The following FMN2 variants were observed in gnomAD, a reference collection of about 807,000 sequenced individuals.
The protein encoded by FMN2 is formin 2.
A neutral mutation model predicts 142.3 loss-of-function variants in FMN2; 51 were observed. The ratio of observed to expected loss-of-function variants is 0.36; its 90% CI spans 0.29 to 0.45. FMN2 has a LOEUF of 0.45. Among genes scored for constraint, FMN2 ranks in the 20% least tolerant of loss-of-function variants. FMN2 has a pLI of 1.00. For missense variants in FMN2, 1,936 were observed against 2,122.8 expected, an observed-to-expected ratio of 0.91 and a Z score of 1.73; for synonymous variants, 882 against 869.8, an observed-to-expected ratio of 1.01 and a Z score of -0.25.
intron 6 of FMN2, among the ~76,000 whole-genome samples, chr1:240,242,585 A>G (rs1248110509): frequency 6.6e-6 from 1 of 152,170 alleles, no homozygotes; most frequent in Non-Finnish European, 1.5e-5. Context: ...ACCAGGAGAC[A>G]CAGCTCTCCA....
chr1:240,458,722 A>G (rs1275695620), intron 16 of FMN2: 2 of 152,240 alleles, frequency 1.3e-5, no homozygotes, highest in African/African-American at 4.8e-5. Flanking sequence ...TTCTCTGATA[A>G]TAAAAGATGA....
intron 3 of FMN2, among the ~76,000 whole-genome samples, chr1:240,180,566 CTT>C (rs58433196): frequency 9.5e-5 from 12 of 126,164 alleles, no homozygotes; most frequent in Admixed American, 1.7e-4. Flanking sequence ...CACATGACCC[CTT>C]TTTTTTTTTT....
chr1:240,170,044 T>G, intron 2 of FMN2: 1 of 574,592 alleles, frequency 1.7e-6, no homozygotes, highest in Non-Finnish European at 3.1e-6. Flanking sequence ...CAGATGGACA[T>G]TCTGTCTCTA....
intron 7 of FMN2, among the ~76,000 whole-genome samples, chr1:240,280,272 A>AATTGTGATTATAATC (rs1669352898): frequency 6.6e-6 from 1 of 152,148 alleles, no homozygotes; most frequent in Admixed American, 6.6e-5. Context: ...TTTCCCTTAA[A>AATTGTGATTATAATC]ATTGTGATTA....
intron 2 of FMN2, among the ~76,000 whole-genome samples, chr1:240,128,572 C>T (rs961043801): frequency 3.3e-5 from 5 of 152,140 alleles, no homozygotes; most frequent in African/African-American, 1.2e-4. Context: ...GCTGATTTTG[C>T]TAAACATGTG....
rs1666394257 is a variant in FMN2, at chr1:240,207,247, C to G, written c.2435C>G (p.Pro812Arg). The change falls in exon 5 of 18, where the codon CCA (proline) becomes CGA (arginine). Residue 812 changes from proline to arginine, a missense_variant. Coordinates refer to ENST00000319653, the MANE Select transcript of FMN2 (RefSeq NM_020066.5). Reference sequence around the variant, plus strand: ...ACACAGAGCATCTCACAGCCTCCACCACCTCCATCCCTTCTGTGGTCTGCT... The same window carrying G: ...ACACAGAGCATCTCACAGCCTCCACGACCTCCATCCCTTCTGTGGTCTGCT... ...QPTQSISQPP[P>R]PPSLLWSAGQ... is the part of the protein sequence containing the mutation. 6.2e-7 allele frequency: 1 copy of G among 1,614,014 alleles called. No individual in the cohort carries two copies. Among genetic ancestry groups the G allele is most frequent in the East Asian group, 2.2e-5 (1 of 44,876 alleles).
chr1:240,310,542 T>G (rs530260526), intron 8 of FMN2, among the ~76,000 whole-genome samples: 7 of 152,316 alleles, frequency 4.6e-5, no homozygotes, highest in African/African-American at 1.4e-4. Context: ...AGAAACCACA[T>G]AGTTACTAAA....
At chr1:240,316,618 C>T (rs901956748) in intron 8 of FMN2, among the ~76,000 whole-genome samples, 24 of 152,136 alleles carry the variant, frequency 1.6e-4, no homozygotes, top group Admixed American at 1.5e-3. Flanking sequence ...AGACCATACA[C>T]AGGCTTCTTT....
chr1:240,202,144 G>A (rs1348204915), intron 4 of FMN2, among the ~76,000 whole-genome samples: 1 of 152,188 alleles, frequency 6.6e-6, no homozygotes, highest in Non-Finnish European at 1.5e-5. Context: ...GTCTGCAAAT[G>A]TAGTTTTTCT....
At chr1:240,112,389 C>T (rs901898593) in intron 1 of FMN2, among the ~76,000 whole-genome samples, 1 of 151,968 alleles carries the variant, frequency 6.6e-6, no homozygotes, top group Non-Finnish European at 1.5e-5. Context: ...CTCGGCCTCC[C>T]AAAGTGCTGG....
intron 6 of FMN2, among the ~76,000 whole-genome samples, chr1:240,233,916 G>A (rs1488703886): frequency 6.6e-6 from 1 of 152,078 alleles, no homozygotes; most frequent in Non-Finnish European, 1.5e-5. Context: ...AACTATTGAC[G>A]ATACCCACTG....
At chr1:240,138,807 C>G (rs1040161619) in intron 2 of FMN2, among the ~76,000 whole-genome samples, 15 of 152,160 alleles carry the variant, frequency 9.9e-5, no homozygotes, top group African/African-American at 2.7e-4. Context: ...AGAATTGGAG[C>G]TTTTCCTTTA....
intron 6 of FMN2, among the ~76,000 whole-genome samples, chr1:240,243,133 A>G (rs1392012368): frequency 6.6e-6 from 1 of 152,136 alleles, no homozygotes; most frequent in African/African-American, 2.4e-5. Context: ...GTAGACCGAA[A>G]AAAAAAACCA....
In FMN2 at chr1:240,208,254, A is replaced by C. The variant is rs12732924; in HGVS notation, c.3442A>C (p.Arg1148=). The C allele has an allele frequency of 6.2e-6, 2 of 323,626 alleles. No individual in the cohort carries two copies. Among genetic ancestry groups the C allele is most frequent in the Non-Finnish European group, 5.0e-6 (1 of 201,022 alleles). The allele number at this position is 323,626 out of a possible 1,614,324, so 20.0% of individuals were successfully genotyped here. ...CATACCTCCTCCACCCCCTCTACCC[A>C]GAGTGGGCATACCCCCTCCGCCCCC... ...AGIPPPPPLP[R]VGIPPPPPLP... The change falls in exon 5 of 18, where the codon AGA becomes CGA. Residue 1148 remains arginine (R), a synonymous_variant. Transcript: ENST00000319653.
chr1:240,157,507 A>T (rs1664072009), intron 2 of FMN2, among the ~76,000 whole-genome samples: 1 of 152,184 alleles, frequency 6.6e-6, no homozygotes, highest in Non-Finnish European at 1.5e-5. Flanking sequence ...TGTCTGGGTT[A>T]TCTGAAGGTG....
At chr1:240,241,110 T>G (rs1295444317) in intron 6 of FMN2, among the ~76,000 whole-genome samples, 8 of 152,184 alleles carry the variant, frequency 5.3e-5, no homozygotes, top group Admixed American at 5.2e-4. Context: ...TTAAACAAAC[T>G]GTGAAATTTA....
In FMN2 at chr1:240,143,376, C is replaced by T. The variant is rs559587510; in HGVS notation, c.1782+20031C>T. On this transcript the variant is annotated intron_variant, in intron 2 of 17. Coordinates refer to ENST00000319653, the MANE Select transcript of FMN2 (RefSeq NM_020066.5). The stretch of plus-strand genomic sequence containing the variant: ...GCAAGTGGCCAAAGGTTCATAGTGC[C>T]GTCTCTGCACCAATCTCCCCCACAG... 1.9e-5 allele frequency: 27 copies of T among 1,435,844 alleles called. No individual in the cohort carries two copies. The East Asian group carries it at 4.8e-4, about 25-fold the overall frequency. 88.9% of individuals were successfully genotyped at this position (1,435,844 alleles called of 1,614,324 possible).
intron 15 of FMN2, among the ~76,000 whole-genome samples, chr1:240,405,457 A>G (rs1033515281): frequency 7.9e-5 from 12 of 152,110 alleles, no homozygotes; most frequent in African/African-American, 2.7e-4. Context: ...TGTCTCTACT[A>G]AAAATACAAA....
At chr1:240,290,790 T>G (rs577300723) in intron 7 of FMN2, among the ~76,000 whole-genome samples, 6 of 114,200 alleles carry the variant, frequency 5.3e-5, no homozygotes, top group East Asian at 4.9e-4. Flanking sequence ...GTTTTTTTTT[T>G]TTGTTTTTTT....
Sources: allele counts gnomAD v4.1 joint callset (sites outside exome capture counted in the v4.1 genomes callset), GRCh38; gene constraint gnomAD v4.1.1; transcripts MANE v1.5; gene names NCBI Gene and HGNC (gene_info 2026-07-23, HGNC 2026-07-21).